SIPA1L3: variants seen among roughly 807,000 people sequenced by gnomAD.
SIPA1L3 encodes signal induced proliferation associated 1 like 3.
In SIPA1L3, 59 loss-of-function variants were observed where a neutral mutation model predicts 150.1. The ratio of observed to expected loss-of-function variants is 0.39; its 90% CI spans 0.32 to 0.49. SIPA1L3 has a LOEUF of 0.49. SIPA1L3 is among the 20% of genes least tolerant of loss of function. The pLI is 0.86. For synonymous variants in SIPA1L3, 1,070 were observed against 1,077.6 expected, an observed-to-expected ratio of 0.99 and a Z score of 0.14; for missense variants, 2,211 against 2,489.5, an observed-to-expected ratio of 0.89 and a Z score of 2.38.
chr19:37,956,531 G>T (rs2046813431), intron 1 of SIPA1L3, among the ~76,000 whole-genome samples: 1 of 139,776 alleles, frequency 7.2e-6, no homozygotes, highest in South Asian at 2.3e-4. Flanking sequence ...TGTCACCCAG[G>T]TTGGAGCAGT....
At chr19:37,911,195 A>G (rs1321969343) in intron 1 of SIPA1L3, among the ~76,000 whole-genome samples, 1 of 152,072 alleles carries the variant, frequency 6.6e-6, no homozygotes, top group Non-Finnish European at 1.5e-5. Flanking sequence ...TGATTTGGAC[A>G]GATGCTTCAG....
Position 38,081,876 on chromosome 19 carries a change from A to T in SIPA1L3, c.311A>T (p.Asp104Val). The change falls in exon 3 of 22, where the codon GAC (aspartate) becomes GTC (valine). Residue 104 changes from aspartate (D) to valine (V), a missense_variant. Physicochemically the swap from Asp to Val is radical, Grantham distance 152 (BLOSUM62 -3). This residue lies in a region of SIPA1L3 where 130 missense variants were observed against 174.5 expected (regional missense o/e 0.74). Coordinates refer to ENST00000222345, the MANE Select transcript of SIPA1L3 (RefSeq NM_015073.3). ...REHSNPSPSQ[D>V]TDGTKATKMA... ...CACAGCAACCCAAGCCCCTCCCAGG[A>T]CACAGATGGCACAAAGGCCACCAAG... is the stretch of plus-strand genomic sequence containing the variant. 6.2e-7 allele frequency: 1 copy of T among 1,614,148 alleles called. No homozygotes were observed. The highest frequency in any genetic ancestry group is 1.1e-5 in the South Asian group (1 of 91,090).
intron 9 of SIPA1L3, among the ~76,000 whole-genome samples, chr19:38,122,469 G>A (rs932612664): frequency 4.6e-5 from 7 of 152,050 alleles, no homozygotes; most frequent in African/African-American, 1.4e-4. Flanking sequence ...ACCCTGGAGC[G>A]AGCCACCCTG....
At chr19:38,102,100 G>A (rs1334012549) in intron 6 of SIPA1L3, among the ~76,000 whole-genome samples, 1 of 146,290 alleles carries the variant, frequency 6.8e-6, no homozygotes, top group East Asian at 2.0e-4. Context: ...AGGCTGGAGT[G>A]CAGTGGCGCA....
Position 38,119,351 on chromosome 19 carries a change from C to CA in SIPA1L3, c.2338dup (p.Ile780AsnfsTer23). ...AAGACGCTCCTCCTTTCGGCCCCCC[C>CA]ATCCCCAGTGGAACCACATTCCGCA... is the stretch of plus-strand genomic sequence containing the variant. On this transcript the variant is annotated frameshift_variant, in exon 9 of 22. Coordinates refer to ENST00000222345, the MANE Select transcript of SIPA1L3 (RefSeq NM_015073.3). LOFTEE classifies it high-confidence loss of function. 6.2e-7 allele frequency: 1 copy of CA among 1,614,210 alleles called. No homozygotes were observed. Among genetic ancestry groups the CA allele is most frequent in the Non-Finnish European group, 8.5e-7 (1 of 1,180,040 alleles).
chr19:37,932,419 C>T lies in SIPA1L3; in HGVS notation c.-379+25061C>T, dbSNP rs905922441. 3 of 151,130 alleles carry T rather than the reference C, an allele frequency of 2.0e-5. No homozygotes were observed. In the East Asian group the frequency reaches 5.9e-4, roughly 30 times the overall value. 9.4% of individuals were successfully genotyped at this position (151,130 alleles called of 1,614,324 possible). On this transcript the variant is annotated intron_variant, in intron 1 of 21. Transcript: ENST00000222345. ...TCTTTGGGAACGCGCCTGTTCACGA[C>T]GACCAGCCATCTCCTGGGGAACTCC... is the stretch of plus-strand genomic sequence containing the variant.
intron 2 of SIPA1L3, among the ~76,000 whole-genome samples, chr19:38,059,311 A>ATTTTTTTTTT (rs35717284): frequency 2.6e-5 from 3 of 113,930 alleles, no homozygotes; most frequent in African/African-American, 1.0e-4. Flanking sequence ...AACAGCTGAG[A>ATTTTTTTTTT]TTTTTTTTTT....
intron 2 of SIPA1L3, among the ~76,000 whole-genome samples, chr19:38,055,395 T>C (rs1568523630): frequency 6.6e-6 from 1 of 152,190 alleles, no homozygotes; most frequent in African/African-American, 2.4e-5. Context: ...CACCCCCTGA[T>C]ATGACATTTA....
At chr19:38,059,025 CAA>C (rs74176410) in intron 2 of SIPA1L3, among the ~76,000 whole-genome samples, 28 of 90,836 alleles carry the variant, frequency 3.1e-4, no homozygotes, top group East Asian at 3.4e-4. Context: ...AACTCTGTCT[CAA>C]AAAAAAAAAA....
intron 14 of SIPA1L3, among the ~76,000 whole-genome samples, chr19:38,163,034 A>G (rs2145981773): frequency 6.6e-6 from 1 of 152,264 alleles, no homozygotes; most frequent in Admixed American, 6.5e-5. Flanking sequence ...GCTCTTGGCA[A>G]TCTCTTTGTA....
chr19:37,927,521 CGTGTGTGTGTGT>C (rs144453861), intron 1 of SIPA1L3, among the ~76,000 whole-genome samples: 101 of 136,830 alleles, frequency 7.4e-4, no homozygotes, highest in South Asian at 9.9e-4. Flanking sequence ...GTCTGTTGTT[CGTGTGTGTGTGT>C]GTGTGTGTGT....
chr19:38,062,017 C>T (rs1470197265), intron 2 of SIPA1L3, among the ~76,000 whole-genome samples: 1 of 151,698 alleles, frequency 6.6e-6, no homozygotes, highest in Non-Finnish European at 1.5e-5. Context: ...CCCCACCCCT[C>T]ACCCCGATGA....
At chr19:37,955,621 A>T (rs1424654034) in intron 1 of SIPA1L3, among the ~76,000 whole-genome samples, 2 of 152,186 alleles carry the variant, frequency 1.3e-5, no homozygotes, top group Non-Finnish European at 2.9e-5. Flanking sequence ...ATGCAGTCAT[A>T]CAGTATGTAG....
chr19:37,999,558 G>A (rs530581359), intron 1 of SIPA1L3, among the ~76,000 whole-genome samples: 1 of 152,284 alleles, frequency 6.6e-6, no homozygotes, highest in East Asian at 1.9e-4. Flanking sequence ...TGGACGTTAG[G>A]GAGGGGCTTC....
At chr19:38,023,227 C>G (rs1283085417) in intron 1 of SIPA1L3, among the ~76,000 whole-genome samples, 1 of 152,158 alleles carries the variant, frequency 6.6e-6, no homozygotes, top group Non-Finnish European at 1.5e-5. Context: ...ACTAGCACGC[C>G]TATCTTCTGG....
At chr19:38,033,820 C>T (rs2145725822) in intron 2 of SIPA1L3, among the ~76,000 whole-genome samples, 1 of 152,222 alleles carries the variant, frequency 6.6e-6, no homozygotes, top group Admixed American at 6.5e-5. Flanking sequence ...TCCTCTGGGT[C>T]AGGGGTTCTC....
chr19:38,000,920 T>TATAA (rs1431472943), intron 1 of SIPA1L3, among the ~76,000 whole-genome samples: 10 of 114,320 alleles, frequency 8.7e-5, no homozygotes, highest in East Asian at 3.8e-4. Context: ...AACATATATA[T>TATAA]AACATATATA....
intron 19 of SIPA1L3, 98 bp downstream of exon 19, chr19:38,198,630 A>G: frequency 8.3e-7 from 1 of 1,198,872 alleles, no homozygotes; most frequent in Non-Finnish European, 1.1e-6. Context: ...ATACCCACTC[A>G]GGTTCCAGAA....
chr19:38,163,621 G>A (rs573304509), intron 14 of SIPA1L3, among the ~76,000 whole-genome samples: 1 of 152,242 alleles, frequency 6.6e-6, no homozygotes, highest in South Asian at 2.1e-4. Flanking sequence ...GAAGGGGGAG[G>A]CCCACGAAGA....
Sources: gnomAD v4.1 joint callset for allele counts (sites outside exome capture counted in the v4.1 genomes callset) on GRCh38, gnomAD v4.1.1 for gene constraint, gnomAD v4.1.1 regional missense constraint, MANE v1.5 for transcripts, NCBI Gene and HGNC (gene_info 2026-07-23, HGNC 2026-07-21) for gene names.